Variants in ZNF804B observed in about 807,000 individuals in gnomAD.
The protein encoded by ZNF804B is zinc finger protein 804B.
A neutral mutation model predicts 101.4 loss-of-function variants in ZNF804B; 80 were observed. The observed-to-expected ratio is 0.79, with a 90% CI of 0.66 to 0.95. ZNF804B has a LOEUF of 0.95. Ranked by LOEUF, ZNF804B falls within the 40% of genes least tolerant of loss-of-function variation. The probability of loss-of-function intolerance (pLI) is 0.00; values close to 1 mark genes in which losing one functional copy is unlikely to be tolerated. For synonymous variants in ZNF804B, 622 were observed against 558.8 expected (o/e 1.11, Z -1.59); for missense variants, 1,673 against 1,561.9 (o/e 1.07, Z -1.20).
intron 1 of ZNF804B, among the ~76,000 whole-genome samples, chr7:88,891,788 G>C (rs899273377): frequency 6.6e-6 from 1 of 151,510 alleles, no homozygotes; most frequent in African/African-American, 2.4e-5. Flanking sequence ...TGTGCACAAC[G>C]TGCAGGTTTG....
chr7:89,237,508 A>C (rs974135274), intron 2 of ZNF804B, among the ~76,000 whole-genome samples: 1 of 152,210 alleles, frequency 6.6e-6, no homozygotes, highest in Non-Finnish European at 1.5e-5. Context: ...GTACTTCATA[A>C]GTTCCTAAAC....
rs191437066 is a variant in ZNF804B, at chr7:88,943,699, C to T, written c.108+183615C>T. 2.0e-4 allele frequency among the ~76,000 whole-genome samples: 31 copies of T among 151,896 alleles called. No homozygotes were observed. The East Asian group carries it at 3.9e-3, about 19-fold the overall frequency. ...CACTACAATGAAGATATGCAACATT[C>T]TCATTACCCCAAAGAGTTGCCTTGT... On this transcript the variant is annotated intron_variant, in intron 1 of 3. Transcript: ENST00000333190.
chr7:89,306,698 G>A (rs982472491), intron 2 of ZNF804B, among the ~76,000 whole-genome samples: 2 of 151,854 alleles, frequency 1.3e-5, no homozygotes, highest in Admixed American at 1.3e-4. Context: ...TTTAGGACTG[G>A]GTGTAGGGAA....
intron 1 of ZNF804B, among the ~76,000 whole-genome samples, chr7:89,171,329 T>C (rs990187804): frequency 0.098 from 12,291 of 125,124 alleles, 1,056 homozygotes; most frequent in Non-Finnish European, 0.13. Context: ...CTTCTTCTTC[T>C]TCTTCTTCTT....
chr7:89,183,774 T>G (rs1584038127), intron 1 of ZNF804B, among the ~76,000 whole-genome samples: 1 of 152,312 alleles, frequency 6.6e-6, no homozygotes, highest in East Asian at 1.9e-4. Flanking sequence ...GTCATTTTAT[T>G]TATGCGTCTG....
chr7:89,285,546 A>G (rs867292706), intron 2 of ZNF804B, among the ~76,000 whole-genome samples: 36 of 93,420 alleles, frequency 3.9e-4, no homozygotes, highest in Non-Finnish European at 6.6e-4. Flanking sequence ...AAAAAAAAAA[A>G]AAGAAGAAGA....
At chr7:89,061,321 G>A (rs1170261394) in intron 1 of ZNF804B, among the ~76,000 whole-genome samples, 1 of 151,776 alleles carries the variant, frequency 6.6e-6, no homozygotes, top group Non-Finnish European at 1.5e-5. Context: ...GATCTTTTGG[G>A]ACTTCAGCAT....
At chr7:89,021,232 T>A (rs573975315) in intron 1 of ZNF804B, among the ~76,000 whole-genome samples, 1 of 152,262 alleles carries the variant, frequency 6.6e-6, no homozygotes, top group East Asian at 1.9e-4. Flanking sequence ...AGCAATCCAT[T>A]TTAGTGATGT....
At chr7:88,894,704 A>T (rs894583012) in intron 1 of ZNF804B, among the ~76,000 whole-genome samples, 9 of 152,192 alleles carry the variant, frequency 5.9e-5, no homozygotes, top group African/African-American at 1.4e-4. Context: ...AAGCCTCAAA[A>T]AGACATGAAG....
intron 1 of ZNF804B, among the ~76,000 whole-genome samples, chr7:88,853,013 G>A (rs1791468979): frequency 6.6e-6 from 1 of 152,004 alleles, no homozygotes; most frequent in Non-Finnish European, 1.5e-5. Flanking sequence ...ACCCTACCCT[G>A]CTTGGAGTGA....
chr7:89,267,087 G>T (rs1789807955), intron 2 of ZNF804B, among the ~76,000 whole-genome samples: 1 of 152,094 alleles, frequency 6.6e-6, no homozygotes, highest in African/African-American at 2.4e-5. Context: ...TTATCATTCT[G>T]CAGACCTTGA....
At chr7:88,947,392 G>A (rs577633220) in intron 1 of ZNF804B, among the ~76,000 whole-genome samples, 2 of 151,852 alleles carry the variant, frequency 1.3e-5, no homozygotes, top group African/African-American at 4.8e-5. Flanking sequence ...GGAAACCATG[G>A]TTCTCAGCAG....
At chr7:88,841,923 G>A (rs1226854916) in intron 1 of ZNF804B, among the ~76,000 whole-genome samples, 1 of 152,128 alleles carries the variant, frequency 6.6e-6, no homozygotes, top group East Asian at 1.9e-4. Context: ...GTGTAATACA[G>A]AATTTATCAG....
At chr7:89,040,474 T>C (rs537639732) in intron 1 of ZNF804B, among the ~76,000 whole-genome samples, 11 of 152,312 alleles carry the variant, frequency 7.2e-5, no homozygotes, top group Middle Eastern at 6.8e-3. Flanking sequence ...TTCTATGGAT[T>C]CTATCCCTTT....
chr7:89,030,848 A>G (rs1788820309), intron 1 of ZNF804B, among the ~76,000 whole-genome samples: 1 of 152,114 alleles, frequency 6.6e-6, no homozygotes, highest in African/African-American at 2.4e-5. Context: ...TTCTCCCTGC[A>G]ATATTATGCT....
intron 1 of ZNF804B, among the ~76,000 whole-genome samples, chr7:88,949,231 G>A (rs1435169874): frequency 6.6e-6 from 1 of 151,684 alleles, no homozygotes; most frequent in Non-Finnish European, 1.5e-5. Flanking sequence ...TCAACCCTTG[G>A]GACAATTGAC....
intron 1 of ZNF804B, among the ~76,000 whole-genome samples, chr7:88,922,470 C>T (rs937196301): frequency 1.3e-5 from 2 of 151,986 alleles, no homozygotes; most frequent in South Asian, 2.1e-4. Context: ...CTTAAAATTA[C>T]TTTAATGAAA....
At chr7:89,055,900 G>C (rs1483242643) in intron 1 of ZNF804B, among the ~76,000 whole-genome samples, 1 of 152,078 alleles carries the variant, frequency 6.6e-6, no homozygotes, top group Non-Finnish European at 1.5e-5. Context: ...GCTCTGTCTG[G>C]ATGTGGTGAT....
intron 1 of ZNF804B, among the ~76,000 whole-genome samples, chr7:89,156,024 CTTTCTTT>C (rs1790961100): frequency 6.5e-5 from 2 of 30,712 alleles, no homozygotes; most frequent in Non-Finnish European, 1.6e-4. Flanking sequence ...TCTTTCCTTT[CTTTCTTT>C]CTTTCTTTCT....
Sources: gnomAD v4.1 joint callset for allele counts (sites outside exome capture counted in the v4.1 genomes callset) on GRCh38, gnomAD v4.1.1 for gene constraint, MANE v1.5 for transcripts, NCBI Gene and HGNC (gene_info 2026-07-23, HGNC 2026-07-21) for gene names.